The following IGDCC3 variants were observed in gnomAD, a reference collection of about 807,000 sequenced individuals.
IGDCC3 encodes the protein putative neuronal cell adhesion molecule.
A neutral mutation model predicts 72.0 loss-of-function variants in IGDCC3; 47 were observed. The observed-to-expected ratio is 0.65, with a 90% confidence interval of 0.52 to 0.83. The LOEUF is 0.83. IGDCC3 is among the 40% of genes least tolerant of loss of function. IGDCC3 has a pLI of 0.00. For missense variants in IGDCC3, 1,038 were observed against 1,091.3 expected (o/e 0.95, Z 0.69); for synonymous variants, 477 against 472.8 (o/e 1.01, Z -0.11).
At chr15:65,344,935 G>A (rs1293819829) in intron 2 of IGDCC3, among the ~76,000 whole-genome samples, 1 of 152,066 alleles carries the variant, frequency 6.6e-6, no homozygotes, top group Non-Finnish European at 1.5e-5. Flanking sequence ...GGAGGGAAAG[G>A]GAGAAAAGCA....
chr15:65,348,760 C>A (rs1437388237), intron 2 of IGDCC3, among the ~76,000 whole-genome samples: 1 of 152,214 alleles, frequency 6.6e-6, no homozygotes, highest in Non-Finnish European at 1.5e-5. Context: ...TAAAGTCCCT[C>A]TTGGCTAAGA....
chr15:65,349,123 A>G (rs184605745), intron 2 of IGDCC3, among the ~76,000 whole-genome samples: 3 of 152,300 alleles, frequency 2.0e-5, no homozygotes, highest in Admixed American at 2.0e-4. Flanking sequence ...TCCTAGTTAG[A>G]GGTTGGATTA....
chr15:65,344,521 TG>T (rs2091109818), intron 2 of IGDCC3, among the ~76,000 whole-genome samples: 1 of 152,090 alleles, frequency 6.6e-6, no homozygotes, highest in South Asian at 2.1e-4. Flanking sequence ...GGGGCCTGGA[TG>T]GGGGAGAGGT....
At chr15:65,367,598 C>A (rs1169491941) in intron 2 of IGDCC3, among the ~76,000 whole-genome samples, 1 of 152,090 alleles carries the variant, frequency 6.6e-6, no homozygotes, top group Non-Finnish European at 1.5e-5. Context: ...CGGCCACACC[C>A]AAACACCCCA....
In IGDCC3 at chr15:65,332,008, C is replaced by G. The variant is rs138476819; in HGVS notation, c.1081G>C (p.Val361Leu). 2.5e-6 allele frequency: 4 copies of G among 1,614,098 alleles called. No individual in the cohort carries two copies. The highest frequency in any genetic ancestry group is 1.3e-5 in the African/African-American group (1 of 74,952). The change falls in exon 7 of 14, where the codon GTC becomes CTC. Residue 361 changes from valine (V) to leucine (L), a missense_variant. Coordinates refer to ENST00000327987, the MANE Select transcript of IGDCC3 (RefSeq NM_004884.4). ...CQAQGEPPPH[V>L]TWLKNGQVLG... ...ACCTGTCCATTTTTCAGCCACGTGA[C>G]ATGAGGCGGTGGCTCACCCTGGGCT...
chr15:65,374,028 G>A (rs1020671421), intron 2 of IGDCC3: 1 of 152,126 alleles, frequency 6.6e-6, no homozygotes, highest in Non-Finnish European at 1.5e-5. Context: ...CCCAGCTACT[G>A]GGGAAGCTGA....
chr15:65,370,618 GTGTA>G (rs1191560484), intron 2 of IGDCC3, among the ~76,000 whole-genome samples: 3,774 of 56,742 alleles, frequency 0.067, 123 homozygotes, highest in African/African-American at 0.15. Context: ...ATATATGTAT[GTGTA>G]TATATATATA....
At chr15:65,358,040 T>C (rs1335158069) in intron 2 of IGDCC3, among the ~76,000 whole-genome samples, 2 of 151,950 alleles carry the variant, frequency 1.3e-5, no homozygotes, top group African/African-American at 4.8e-5. Flanking sequence ...AAAGCCCCCA[T>C]TTCTAGAGAG....
chr15:65,349,789 A>G (rs1375641082), intron 2 of IGDCC3, among the ~76,000 whole-genome samples: 1 of 152,212 alleles, frequency 6.6e-6, no homozygotes, highest in East Asian at 1.9e-4. Flanking sequence ...TAACTCAAAA[A>G]ATCATATTAA....
chr15:65,329,616 T>C lies in IGDCC3; in HGVS notation c.1998-19A>G, dbSNP rs771679494. 1.8e-5 allele frequency: 29 copies of C among 1,612,784 alleles called. No individual in the cohort carries two copies. The highest frequency in any genetic ancestry group is 2.2e-5 in the East Asian group (1 of 44,856). ...GAGGACCCTAAGGGTTAGCCAAGAG[T>C]TGGGGGGAGGGAGAGAGAAAAGAGA... On this transcript the variant is annotated intron_variant, in intron 12 of 13. Coordinates refer to ENST00000327987, the MANE Select transcript of IGDCC3 (RefSeq NM_004884.4). This position sits in a 1 kb window ranked among gnomAD's most constrained non-coding sequence, Gnocchi z 4.1.
In IGDCC3 at chr15:65,370,628, A is replaced by G. The variant is rs1170974171; in HGVS notation, c.409+4469T>C. ...TGTATATATATGTATGTGTATATATATATATATATATATATATATAAAATT... is the reference window on the plus strand; with the variant it reads ...TGTATATATATGTATGTGTATATATGTATATATATATATATATATAAAATT... On this transcript the variant is annotated intron_variant, in intron 2 of 13. Transcript: ENST00000327987. Among the ~76,000 whole-genome samples, 36 of 144,204 alleles carry G rather than the reference A, an allele frequency of 2.5e-4. 1 individual carries two copies. The highest frequency in any genetic ancestry group is 6.8e-4 in the African/African-American group (27 of 39,624). The allele number at this position is 144,204 out of a possible 152,430, so 94.6% of individuals were successfully genotyped here.
intron 2 of IGDCC3, among the ~76,000 whole-genome samples, chr15:65,345,189 C>T (rs985153584): frequency 2.6e-5 from 4 of 152,160 alleles, no homozygotes; most frequent in East Asian, 1.9e-4. Context: ...GACATTCTGA[C>T]ACCCCAGGAG....
At chr15:65,357,630 T>C (rs1481455673) in intron 2 of IGDCC3, among the ~76,000 whole-genome samples, 3 of 152,246 alleles carry the variant, frequency 2.0e-5, no homozygotes, top group African/African-American at 7.2e-5. Flanking sequence ...TATTTAACAC[T>C]ACCAAGCACT....
At chr15:65,357,950 A>G (rs992069439) in intron 2 of IGDCC3, among the ~76,000 whole-genome samples, 21 of 152,262 alleles carry the variant, frequency 1.4e-4, no homozygotes, top group African/African-American at 4.8e-4. Flanking sequence ...GCTGCCATTG[A>G]TGGGGTAGAT....
chr15:65,367,346 CAAAAA>C (rs10609381), intron 2 of IGDCC3, among the ~76,000 whole-genome samples: 8 of 74,418 alleles, frequency 1.1e-4, no homozygotes, highest in South Asian at 1.0e-3. Context: ...GACTTTGTCT[CAAAAA>C]AAAAAAAAAA....
intron 2 of IGDCC3, among the ~76,000 whole-genome samples, chr15:65,349,473 A>G (rs983464436): frequency 5.3e-5 from 8 of 152,236 alleles, no homozygotes; most frequent in Non-Finnish European, 2.9e-5. Flanking sequence ...GTTTTGATTA[A>G]TGCGAAAAAG....
chr15:65,344,070 T>C (rs2140149295), intron 2 of IGDCC3, among the ~76,000 whole-genome samples: 1 of 152,262 alleles, frequency 6.6e-6, no homozygotes, highest in East Asian at 1.9e-4. Context: ...ATGACTTACT[T>C]CCCTGGGCTT....
At chr15:65,372,579 T>C (rs1471929780) in intron 2 of IGDCC3, among the ~76,000 whole-genome samples, 1 of 152,092 alleles carries the variant, frequency 6.6e-6, no homozygotes, top group Non-Finnish European at 1.5e-5. Flanking sequence ...CCCACCGACA[T>C]AGACCTGAAC....
intron 2 of IGDCC3, among the ~76,000 whole-genome samples, chr15:65,336,931 G>A (rs1227531907): frequency 6.6e-6 from 1 of 152,120 alleles, no homozygotes; most frequent in East Asian, 1.9e-4. Flanking sequence ...CAGGAAGGCG[G>A]TACACCATCT....
Sources: allele counts gnomAD v4.1 joint callset (sites outside exome capture counted in the v4.1 genomes callset), GRCh38; gene constraint gnomAD v4.1.1; non-coding constraint Gnocchi (gnomAD v3.1); transcripts MANE v1.5; gene names NCBI Gene and HGNC (gene_info 2026-07-23, HGNC 2026-07-21).